The following SLIT1 variants were observed in gnomAD, a reference collection of about 807,000 sequenced individuals.
SLIT1 encodes slit homolog 1 protein.
Under a neutral mutation model 186.1 loss-of-function variants are expected in SLIT1, and 66 were observed. The ratio of observed to expected loss-of-function variants is 0.35; its 90% CI spans 0.29 to 0.44. The LOEUF is 0.44. Among genes scored for constraint, SLIT1 ranks in the 20% least tolerant of loss-of-function variants. The probability of loss-of-function intolerance (pLI) is 1.00; values close to 1 mark genes in which losing one functional copy is unlikely to be tolerated. For synonymous variants in SLIT1, 761 were observed against 833.8 expected (o/e 0.91, Z 1.50); for missense variants, 1,638 against 2,037.4 (o/e 0.80, Z 3.77).
chr10:97,167,574 C>A (rs2134732703), intron 1 of SLIT1, among the ~76,000 whole-genome samples: 1 of 152,322 alleles, frequency 6.6e-6, no homozygotes, highest in South Asian at 2.1e-4. Context: ...TGGTACAGAT[C>A]TGTTTCTCTT....
chr10:97,179,267 T>C (rs1291147927), intron 1 of SLIT1, among the ~76,000 whole-genome samples: 1 of 152,234 alleles, frequency 6.6e-6, no homozygotes, highest in Non-Finnish European at 1.5e-5. Flanking sequence ...TTCCCTAGCA[T>C]TAACCTCTTT....
chr10:97,064,648 C>T (rs956350356), intron 6 of SLIT1, among the ~76,000 whole-genome samples, 157 bp downstream of exon 6: 1 of 152,156 alleles, frequency 6.6e-6, no homozygotes. Context: ...GCAGGCACAA[C>T]CCCATGAGTG....
chr10:97,024,519 T>C (rs912685775), intron 25 of SLIT1, among the ~76,000 whole-genome samples: 1 of 152,208 alleles, frequency 6.6e-6, no homozygotes, highest in Admixed American at 6.5e-5. Context: ...TTTTCTTTCC[T>C]TATTTGCTGA....
chr10:97,027,131 G>A (rs1848552855), intron 25 of SLIT1, among the ~76,000 whole-genome samples: 1 of 152,218 alleles, frequency 6.6e-6, no homozygotes, highest in African/African-American at 2.4e-5. Flanking sequence ...AACACTGGAT[G>A]GTAACTCCTG....
chr10:97,052,618 T>C (rs760734474), intron 13 of SLIT1, among the ~76,000 whole-genome samples: 1 of 152,228 alleles, frequency 6.6e-6, no homozygotes, highest in Non-Finnish European at 1.5e-5. Context: ...CTTTATGGCA[T>C]GTAAGTTATA....
chr10:97,055,352 T>A (rs1222470827), intron 13 of SLIT1, among the ~76,000 whole-genome samples: 2 of 152,170 alleles, frequency 1.3e-5, no homozygotes, highest in East Asian at 3.8e-4. Flanking sequence ...ACTTGGGGGT[T>A]CACCATACAT....
intron 4 of SLIT1, among the ~76,000 whole-genome samples, chr10:97,105,144 G>A (rs966728236): frequency 6.6e-6 from 1 of 152,146 alleles, no homozygotes; most frequent in Admixed American, 6.5e-5. Context: ...TAGGGACCAG[G>A]ATAATTATAA....
chr10:97,131,157 G>GGGCA (rs1849650852), intron 4 of SLIT1, among the ~76,000 whole-genome samples: 1 of 152,152 alleles, frequency 6.6e-6, no homozygotes. Flanking sequence ...CACCAAAGGA[G>GGGCA]GGCACTTCCT....
chr10:97,156,980 C>T (rs1343998091), intron 4 of SLIT1, among the ~76,000 whole-genome samples: 1 of 152,166 alleles, frequency 6.6e-6, no homozygotes, highest in African/African-American at 2.4e-5. Context: ...AACCTGACAG[C>T]TCTTCAAAAA....
chr10:97,003,584 C>T (rs905369236), intron 34 of SLIT1, among the ~76,000 whole-genome samples: 7 of 152,204 alleles, frequency 4.6e-5, no homozygotes, highest in African/African-American at 1.7e-4. Context: ...CATCCAGCAG[C>T]CTGCTCATCA....
intron 1 of SLIT1, among the ~76,000 whole-genome samples, chr10:97,178,679 C>G (rs972396521): frequency 1.3e-5 from 2 of 152,036 alleles, no homozygotes; most frequent in African/African-American, 4.8e-5. Context: ...TTAGAAAACA[C>G]CCACCAAATA....
At chr10:97,145,910 G>A (rs553472369) in intron 4 of SLIT1, among the ~76,000 whole-genome samples, 1 of 152,252 alleles carries the variant, frequency 6.6e-6, no homozygotes, top group East Asian at 1.9e-4. Flanking sequence ...AGGCCCAAAC[G>A]CACAAGACAG....
chr10:97,082,986 C>T (rs759743926), intron 4 of SLIT1, among the ~76,000 whole-genome samples: 2 of 152,224 alleles, frequency 1.3e-5, no homozygotes, highest in African/African-American at 2.4e-5. Context: ...AATTGTAGCT[C>T]ACTGCAGCCT....
At chr10:97,177,173 TC>T (rs933377225) in intron 1 of SLIT1, among the ~76,000 whole-genome samples, 1 of 151,962 alleles carries the variant, frequency 6.6e-6, no homozygotes, top group Non-Finnish European at 1.5e-5. Context: ...TCCCCTGAGG[TC>T]CCCCCATCTC....
In SLIT1 at chr10:97,157,909, T is replaced by TTGGAAA; in HGVS notation, c.342-26_342-21dup. The TTGGAAA allele has an allele frequency of 6.3e-7, 1 of 1,593,042 alleles. No homozygotes were observed. The highest frequency in any genetic ancestry group is 1.1e-5 in the South Asian group (1 of 90,616). ...AGTCGCCTATAAAAGAGAAGAAGAATTGGAAATCACCTAGACAGCCAGGAA... is the reference window on the plus strand; with the variant it reads ...AGTCGCCTATAAAAGAGAAGAAGAATTGGAAATGGAAATCACCTAGACAGCCAGGAA... On this transcript the variant is annotated intron_variant, in intron 3 of 36. Transcript: ENST00000266058.
chr10:97,043,318 TG>T lies in SLIT1; in HGVS notation c.1997+51del, dbSNP rs1848705914. The T allele has an allele frequency of 6.2e-7, 1 of 1,608,976 alleles. No homozygotes were observed. Among genetic ancestry groups the T allele is most frequent in the Non-Finnish European group, 8.5e-7 (1 of 1,177,230 alleles). On this transcript the variant is annotated intron_variant, in intron 19 of 36. Coordinates refer to ENST00000266058, the MANE Select transcript of SLIT1 (RefSeq NM_003061.3). The surrounding 1 kb of genome is among the most constrained non-coding windows in gnomAD (Gnocchi z 7.0). ...TTTCAAAGTGGCTGGCCGAGACGGT[TG>T]GGACGGTTGCTCCAGAGCCCCCGCC...
intron 4 of SLIT1, among the ~76,000 whole-genome samples, chr10:97,152,256 G>A (rs1849889211): frequency 1.3e-5 from 2 of 151,592 alleles, no homozygotes; most frequent in South Asian, 2.1e-4. Context: ...TAAGCCCCTC[G>A]AGAAAAAAAA....
rs1206491315 is a variant in SLIT1 at position 97,035,309 on chromosome 10, T to C, written c.2367-767A>G. Among the ~76,000 whole-genome samples the C allele has an allele frequency of 2.6e-5, 4 of 152,130 alleles. No individual in the cohort carries two copies. In the East Asian group the frequency reaches 7.7e-4, roughly 29 times the overall value. Reference sequence around the variant, plus strand: ...CTGGGTGCCCTCGGGGACGCCCCTGTGCTGACAGTGCCCCCCTCCCCATGG... The same window carrying C: ...CTGGGTGCCCTCGGGGACGCCCCTGCGCTGACAGTGCCCCCCTCCCCATGG... On this transcript the variant is annotated intron_variant, in intron 22 of 36. Transcript: ENST00000266058.
chr10:97,098,188 C>G (rs887321049), intron 4 of SLIT1, among the ~76,000 whole-genome samples: 1 of 152,202 alleles, frequency 6.6e-6, no homozygotes, highest in Non-Finnish European at 1.5e-5. Flanking sequence ...CATAGCCCTG[C>G]CCTAAGGAAT....
Sources: allele counts gnomAD v4.1 joint callset (sites outside exome capture counted in the v4.1 genomes callset), GRCh38; gene constraint gnomAD v4.1.1; non-coding constraint Gnocchi (gnomAD v3.1); transcripts MANE v1.5; gene names NCBI Gene and HGNC (gene_info 2026-07-23, HGNC 2026-07-21).